Variants in BRD10 observed in about 807,000 individuals in gnomAD.
BRD10 encodes uncharacterized bromodomain-containing protein 10.
chr9:5,969,118 T>A, the BRD10 span: 2 of 1,613,872 alleles, frequency 1.2e-6, no homozygotes, highest in Non-Finnish European at 1.7e-6. Context: ...GCCTCAGCGC[T>A]GCTTCCCAGG....
At chr9:5,884,883 G>C in the BRD10 span, among the ~76,000 whole-genome samples, 3 of 152,182 alleles carry the variant, frequency 2.0e-5, no homozygotes, top group African/African-American at 7.2e-5. Context: ...ATGTTCTCAA[G>C]ACTTCAGCCA....
chr9:5,998,341 A>G, the BRD10 span, among the ~76,000 whole-genome samples: 6 of 152,144 alleles, frequency 3.9e-5, no homozygotes, highest in Admixed American at 2.0e-4. Context: ...GGATTGCTAA[A>G]AAGTCTACAT....
the BRD10 span, among the ~76,000 whole-genome samples, chr9:6,005,201 T>C: frequency 6.6e-6 from 1 of 152,246 alleles, no homozygotes; most frequent in Non-Finnish European, 1.5e-5. Flanking sequence ...AGTCTGCTCT[T>C]TTTTAAGACT....
chr9:5,918,265 C>G, the BRD10 span, among the ~76,000 whole-genome samples: 2 of 152,200 alleles, frequency 1.3e-5, no homozygotes, highest in South Asian at 4.1e-4. Context: ...CAAAGGAAAT[C>G]TTTAGGCCTA....
chr9:5,992,688 G>C, the BRD10 span, among the ~76,000 whole-genome samples: 1 of 147,804 alleles, frequency 6.8e-6, no homozygotes, highest in Non-Finnish European at 1.5e-5. Flanking sequence ...GTTACTTATT[G>C]AGTTTTACGT....
the BRD10 span, chr9:5,968,041 T>G: frequency 6.6e-7 from 1 of 1,525,180 alleles, no homozygotes; most frequent in Non-Finnish European, 8.8e-7. Flanking sequence ...TCTTGTGTTT[T>G]GCTTTTTTTT....
the BRD10 span, among the ~76,000 whole-genome samples, chr9:5,882,811 AT>A: frequency 6.6e-6 from 1 of 152,150 alleles, no homozygotes; most frequent in African/African-American, 2.4e-5. Flanking sequence ...CATATACACC[AT>A]GGAATACTAT....
chr9:5,928,480 T>A, the BRD10 span, among the ~76,000 whole-genome samples: 1 of 152,228 alleles, frequency 6.6e-6, no homozygotes, highest in Non-Finnish European at 1.5e-5. Flanking sequence ...ATGATCTGGC[T>A]TCCTTCCTCC....
chr9:5,936,148 G>A, the BRD10 span, among the ~76,000 whole-genome samples: 1 of 152,154 alleles, frequency 6.6e-6, no homozygotes, highest in East Asian at 1.9e-4. Context: ...TTAAGCCAAA[G>A]AGTTCGAGAC....
the BRD10 span, among the ~76,000 whole-genome samples, chr9:5,943,263 C>G: frequency 6.6e-6 from 1 of 152,114 alleles, no homozygotes; most frequent in Non-Finnish European, 1.5e-5. Context: ...AGAATGCTTG[C>G]AGAAGTCTTT....
At chr9:5,889,113 T>A in the BRD10 span, among the ~76,000 whole-genome samples, 37 of 152,238 alleles carry the variant, frequency 2.4e-4, no homozygotes, top group Non-Finnish European at 4.3e-4. Flanking sequence ...CTGAGAAGTA[T>A]GCTCAGCAAA....
At chr9:5,991,991 C>G in the BRD10 span, among the ~76,000 whole-genome samples, 1 of 152,194 alleles carries the variant, frequency 6.6e-6, no homozygotes, top group South Asian at 2.1e-4. Flanking sequence ...CTTTAAGACA[C>G]TCTTCCTCCA....
At chr9:5,952,095 A>G in the BRD10 span, among the ~76,000 whole-genome samples, 1 of 151,892 alleles carries the variant, frequency 6.6e-6, no homozygotes, top group African/African-American at 2.4e-5. Context: ...ATGTTGGCTC[A>G]CTGCAACCTC....
chr9:5,894,298 C>G, the BRD10 span, among the ~76,000 whole-genome samples: 1 of 152,002 alleles, frequency 6.6e-6, no homozygotes, highest in African/African-American at 2.4e-5. This position sits in a 1 kb window ranked among gnomAD's most constrained non-coding sequence, Gnocchi z 4.0. Context: ...AGGAAGAAAC[C>G]AACTAGATGG....
At chr9:5,905,884 C>T in the BRD10 span, among the ~76,000 whole-genome samples, 6 of 152,318 alleles carry the variant, frequency 3.9e-5, no homozygotes, top group East Asian at 5.8e-4. Context: ...TCATTCATAT[C>T]GGCACAGAAT....
At chr9:6,006,160 G>A in the BRD10 span, among the ~76,000 whole-genome samples, 9 of 152,166 alleles carry the variant, frequency 5.9e-5, no homozygotes, top group Non-Finnish European at 1.0e-4. Flanking sequence ...ACATTAAAAT[G>A]GCTAACACTT....
At chr9:5,880,363 T>A in the BRD10 span, among the ~76,000 whole-genome samples, 184 of 152,014 alleles carry the variant, frequency 1.2e-3, 1 homozygote, top group African/African-American at 4.3e-3. Flanking sequence ...AACACAAAAA[T>A]TAGCCGGGCG....
At chr9:5,995,928 T>C in the BRD10 span, among the ~76,000 whole-genome samples, 2 of 152,010 alleles carry the variant, frequency 1.3e-5, no homozygotes. Flanking sequence ...GCTGAAACAA[T>C]GATAACACCA....
the BRD10 span, among the ~76,000 whole-genome samples, chr9:5,879,140 G>T: frequency 6.6e-6 from 1 of 152,150 alleles, no homozygotes; most frequent in Non-Finnish European, 1.5e-5. Context: ...ACATCAGAGG[G>T]ACTTCCAGAA....
Sources: gnomAD v4.1 joint callset for allele counts (sites outside exome capture counted in the v4.1 genomes callset) on GRCh38, gnomAD v4.1.1 for gene constraint, Gnocchi (gnomAD v3.1) non-coding constraint, MANE v1.5 for transcripts, NCBI Gene and HGNC (gene_info 2026-07-23, HGNC 2026-07-21) for gene names.